The following PLOD3 variants were observed in gnomAD, a reference collection of about 807,000 sequenced individuals.
PLOD3 encodes procollagen-lysine,2-oxoglutarate 5-dioxygenase 3, also known as multifunctional procollagen lysine hydroxylase and glycosyltransferase LH3.
In PLOD3, 73 loss-of-function variants were observed where a neutral mutation model predicts 96.9. The ratio of observed to expected loss-of-function variants is 0.75; its 90% CI spans 0.62 to 0.92. The LOEUF (loss-of-function observed/expected upper bound fraction) is 0.92. Among genes scored for constraint, PLOD3 ranks in the 40% least tolerant of loss-of-function variants. The probability of loss-of-function intolerance (pLI) is 0.00; values close to 1 mark genes in which losing one functional copy is unlikely to be tolerated. For synonymous variants in PLOD3, 454 were observed against 413.7 expected (o/e 1.10, Z -1.18); for missense variants, 1,004 against 1,004.3 (o/e 1.00, Z 0.00).
chr7:101,211,694 A>T lies in PLOD3; in HGVS notation c.1255T>A (p.Ser419Thr), dbSNP rs747314273. ...ENRKVIAPML[S>T]RHGKLWSNFW... is the part of the protein sequence containing the mutation. ...TTGGACCACAGCTTGCCGTGGCGGG[A>T]CAGCATGGGGGCGATCACCTTCCTG... The change falls in exon 12 of 19, where the codon TCC (serine) becomes ACC (threonine). Residue 419 changes from serine to threonine, a missense_variant. By Grantham distance (58) the Ser-to-Thr change is moderately conservative. Transcript: ENST00000223127. 3.1e-6 allele frequency: 5 copies of T among 1,606,144 alleles called. No homozygotes were observed. The highest frequency in any genetic ancestry group is 1.7e-4 in the Middle Eastern group (1 of 6,056).
intron 5 of PLOD3, among the ~76,000 whole-genome samples, chr7:101,215,454 C>G (rs1198444578): frequency 6.6e-6 from 1 of 152,168 alleles, no homozygotes; most frequent in East Asian, 1.9e-4. Flanking sequence ...CTCAGGTGAT[C>G]CACCCGCCTC....
At chr7:101,212,021 C>T (rs1798191674) in intron 10 of PLOD3, 71 bp from the exon 11 acceptor site, 1 of 1,138,288 alleles carries the variant, frequency 8.8e-7, no homozygotes, top group Non-Finnish European at 1.3e-6. Flanking sequence ...TGGCCCATGC[C>T]CCCAGGAGAA....
In PLOD3 at chr7:101,206,918, G is replaced by A. The variant is rs1798095647; in HGVS notation, c.1936-14C>T. 4 of 1,554,580 alleles carry A rather than the reference G, an allele frequency of 2.6e-6. No individual in the cohort carries two copies. The South Asian group carries it at 4.7e-5, about 18-fold the overall frequency. On this transcript the variant is annotated splice_polypyrimidine_tract_variant and intron_variant, in intron 17 of 18. Transcript: ENST00000223127. ...CACCGCCCGCGCCTGGGGGAGAGGA[G>A]GGAAGAGGCTGCAGGGACAGCTGCG...
intron 12 of PLOD3, 44 bp downstream of exon 12, chr7:101,211,547 C>A: frequency 6.3e-7 from 1 of 1,574,886 alleles, no homozygotes; most frequent in Non-Finnish European, 8.6e-7. Context: ...CTACCTGGGC[C>A]CCGGGTCGGA....
chr7:101,213,312 CA>C, intron 6 of PLOD3, 108 bp from the exon 7 acceptor site: 1 of 773,612 alleles, frequency 1.3e-6, no homozygotes, highest in South Asian at 1.5e-5. Context: ...AAAGGGACAC[CA>C]GGGCTATCCT....
rs770236535 is a variant in PLOD3 at position 101,207,738 on chromosome 7, G to A, written c.1789-14C>T. 5.6e-6 allele frequency: 9 copies of A among 1,612,960 alleles called. No homozygotes were observed. The highest frequency in any genetic ancestry group is 6.8e-6 in the Non-Finnish European group (8 of 1,179,820). On this transcript the variant is annotated splice_polypyrimidine_tract_variant and intron_variant, in intron 16 of 18. Transcript: ENST00000223127. ...CAGCCTTGAATCCTGGGGGCGGCGG[G>A]CACTGAGCCACCCGCCCCTCCAGCC...
intron 16 of PLOD3, 73 bp downstream of exon 16, chr7:101,208,780 T>C: frequency 9.8e-7 from 1 of 1,018,136 alleles, no homozygotes; most frequent in South Asian, 1.3e-5. Context: ...TTTTCCTGAT[T>C]CCATTGTTTG....
chr7:101,210,481 G>A, intron 13 of PLOD3, 37 bp from the exon 14 acceptor site: 1 of 1,613,878 alleles, frequency 6.2e-7, no homozygotes, highest in Middle Eastern at 1.6e-4. Context: ...TGCAGGCGAT[G>A]CCTGGAGTCT....
At chr7:101,210,727 C>T in intron 12 of PLOD3, 54 bp from the exon 13 acceptor site, 1 of 1,605,088 alleles carries the variant, frequency 6.2e-7, no homozygotes, top group Non-Finnish European at 8.5e-7. Flanking sequence ...AAATTCTGCC[C>T]AGCTCATCCC....
At chr7:101,211,395 G>T (rs1229927704) in intron 12 of PLOD3, 196 bp downstream of exon 12, 1 of 597,332 alleles carries the variant, frequency 1.7e-6, no homozygotes, top group South Asian at 2.1e-5. Flanking sequence ...TGCTCAGGCT[G>T]ATCTTAAACT....
intron 15 of PLOD3, 117 bp downstream of exon 15, chr7:101,209,976 C>A (rs949752487): frequency 1.9e-5 from 12 of 621,216 alleles, no homozygotes; most frequent in Non-Finnish European, 3.5e-5. Context: ...CTTGTCTGAA[C>A]AGAAAACCCT....
At chr7:101,213,245 G>T in intron 6 of PLOD3, 41 bp from the exon 7 acceptor site, 1 of 1,319,854 alleles carries the variant, frequency 7.6e-7, no homozygotes, top group Non-Finnish European at 1.1e-6. Flanking sequence ...CCCTTTCTCT[G>T]GGAGCTACCA....
chr7:101,215,853 G>A (rs1798260831), intron 5 of PLOD3, 55 bp downstream of exon 5: 2 of 1,213,446 alleles, frequency 1.6e-6, no homozygotes, highest in Admixed American at 1.7e-5. Flanking sequence ...CATTCAGCCT[G>A]AGGCCTCCAC....
Position 101,212,592 on chromosome 7 carries a change from G to A in PLOD3, c.943C>T (p.Leu315=). The change falls in exon 9 of 19, where the codon CTG becomes TTG. Residue 315 remains leucine, a synonymous_variant. Transcript: ENST00000223127. ...EQPTPFLPRF[L]QRLLLLDYPP... ...TAGTCCAGGAGTAGCAGCCGCTGCAGGAAGCGGGGCAGAAACGGAGTAGGC... is the reference window on the plus strand; with the variant it reads ...TAGTCCAGGAGTAGCAGCCGCTGCAAGAAGCGGGGCAGAAACGGAGTAGGC... The A allele has an allele frequency of 6.2e-7, 1 of 1,613,916 alleles. No homozygotes were observed. The highest frequency in any genetic ancestry group is 8.5e-7 in the Non-Finnish European group (1 of 1,179,886).
rs372590450 is a variant in PLOD3, at chr7:101,211,901, C to A, written c.1177G>T (p.Ala393Ser). Reference protein sequence around the residue: ...PECEFYFSLDADAVLTNLQTL... With the variant: ...PECEFYFSLDSDAVLTNLQTL... ...TGCAGGTTGGTGAGGACAGCGTCGG[C>A]GTCCAGGCTGAAGTAGAACTCACAC... Residue 393 changes from alanine (A) to serine (S), a missense_variant, in exon 11 of 19, where the codon GCC becomes TCC. By Grantham distance (99) the Ala-to-Ser change is moderately conservative. Transcript: ENST00000223127. 1.2e-6 allele frequency: 2 copies of A among 1,612,050 alleles called. No individual in the cohort carries two copies. The highest frequency in any genetic ancestry group is 3.3e-5 in the Admixed American group (2 of 59,766).
chr7:101,213,915 C>T (rs1375421495), intron 6 of PLOD3, among the ~76,000 whole-genome samples: 1 of 151,812 alleles, frequency 6.6e-6, no homozygotes, highest in Non-Finnish European at 1.5e-5. Flanking sequence ...ACCAGGCTGG[C>T]CTTGAACTCC....
chr7:101,211,250 G>A, intron 12 of PLOD3: 1 of 265,582 alleles, frequency 3.8e-6, no homozygotes, highest in Non-Finnish European at 7.3e-6. Flanking sequence ...TGGAAACATG[G>A]CTCACTGCAG....
At chr7:101,215,036 C>A in intron 6 of PLOD3, 53 bp downstream of exon 6, 1 of 1,344,368 alleles carries the variant, frequency 7.4e-7, no homozygotes, top group African/African-American at 1.4e-5. Context: ...CAGCTCAAGA[C>A]CCCTAGCTGC....
intron 17 of PLOD3, among the ~76,000 whole-genome samples, chr7:101,207,279 G>A (rs1050241109): frequency 8.6e-5 from 13 of 151,982 alleles, no homozygotes; most frequent in East Asian, 1.9e-4. Flanking sequence ...CCCGGCCATC[G>A]CAGGGTGTCT....
Sources: gnomAD v4.1 joint callset for allele counts (sites outside exome capture counted in the v4.1 genomes callset) on GRCh38, gnomAD v4.1.1 for gene constraint, MANE v1.5 for transcripts, NCBI Gene and HGNC (gene_info 2026-07-23, HGNC 2026-07-21) for gene names.